SLC44A5: variants seen among roughly 807,000 people sequenced by gnomAD.
The protein encoded by SLC44A5 is choline transporter-like protein 5.
Under a neutral mutation model 101.8 loss-of-function variants are expected in SLC44A5, and 57 were observed. The ratio of observed to expected loss-of-function variants is 0.56; its 90% CI spans 0.45 to 0.70. The LOEUF (loss-of-function observed/expected upper bound fraction) is 0.70. SLC44A5 is among the 30% of genes least tolerant of loss of function. SLC44A5 has a pLI of 0.00. For synonymous variants in SLC44A5, 281 were observed against 290.9 expected, an observed-to-expected ratio of 0.97 and a Z score of 0.35; for missense variants, 737 against 853.1, an observed-to-expected ratio of 0.86 and a Z score of 1.70.
At chr1:75,446,783 TG>T (rs1665608020) in intron 2 of SLC44A5, among the ~76,000 whole-genome samples, 2 of 152,200 alleles carry the variant, frequency 1.3e-5, no homozygotes, top group South Asian at 4.1e-4. Flanking sequence ...TAACTAATTT[TG>T]TTTGCATTAT....
chr1:75,598,734 T>C (rs372519567), intron 1 of SLC44A5, among the ~76,000 whole-genome samples: 1 of 152,090 alleles, frequency 6.6e-6, no homozygotes, highest in African/African-American at 2.4e-5. Context: ...TGAGAGCACA[T>C]GGACACATAG....
intron 2 of SLC44A5, among the ~76,000 whole-genome samples, chr1:75,531,114 G>T (rs1670697187): frequency 6.6e-6 from 1 of 152,254 alleles, no homozygotes; most frequent in East Asian, 1.9e-4. Flanking sequence ...TGCCTTTCAT[G>T]AGCAATAAAT....
At chr1:75,659,364 G>C in the SLC44A5 span, among the ~76,000 whole-genome samples, 8 of 137,348 alleles carry the variant, frequency 5.8e-5, no homozygotes, top group Non-Finnish European at 1.1e-4. Context: ...AAGAAAGAAG[G>C]AAAGAAAGAA....
At position 75,380,801 on chromosome 1, in the gene SLC44A5, C is replaced by T. The variant is rs1157002392; in HGVS notation, c.52+15782G>A. Among the ~76,000 whole-genome samples the T allele has an allele frequency of 1.8e-4, 15 of 82,056 alleles. 6 individuals are homozygous for T. The highest frequency in any genetic ancestry group is 1.7e-4 in the Non-Finnish European group (8 of 47,652). The allele number at this position is 82,056 out of a possible 152,430, so 53.8% of individuals were successfully genotyped here. On this transcript the variant is annotated intron_variant, in intron 3 of 23. Transcript: ENST00000370859. ...ACACCAGTCACATGGATGGATAATC[C>T]TATAGAAGTATATGTTAATGATAGT... is the stretch of plus-strand genomic sequence containing the variant.
At chr1:75,566,368 T>A (rs1341480175) in intron 1 of SLC44A5, among the ~76,000 whole-genome samples, 2 of 152,126 alleles carry the variant, frequency 1.3e-5, no homozygotes, top group Non-Finnish European at 2.9e-5. Flanking sequence ...TAAGAATGAG[T>A]CTGTGAAATA....
chr1:75,666,593 G>C, the SLC44A5 span, among the ~76,000 whole-genome samples: 1 of 152,112 alleles, frequency 6.6e-6, no homozygotes, highest in Non-Finnish European at 1.5e-5. Flanking sequence ...ATTTTATGAG[G>C]CCAGCATCAT....
At chr1:75,234,209 T>C (rs1163020752) in intron 11 of SLC44A5, 111 bp from the exon 12 acceptor site, 2 of 711,152 alleles carry the variant, frequency 2.8e-6, no homozygotes, top group Non-Finnish European at 4.9e-6. Context: ...ATTCTTTTAT[T>C]TTACCTGGCT....
At chr1:75,644,961 C>CT in the SLC44A5 span, among the ~76,000 whole-genome samples, 1 of 152,084 alleles carries the variant, frequency 6.6e-6, no homozygotes, top group African/African-American at 2.4e-5. Context: ...TGAACTCATC[C>CT]TTTTTAATGG....
the SLC44A5 span, among the ~76,000 whole-genome samples, chr1:75,701,314 G>A: frequency 2.5e-4 from 38 of 152,076 alleles, no homozygotes; most frequent in Non-Finnish European, 3.7e-4. Flanking sequence ...CACCATGATC[G>A]AATGGGCTTC....
the SLC44A5 span, among the ~76,000 whole-genome samples, chr1:75,690,912 G>A: frequency 6.6e-6 from 1 of 152,048 alleles, no homozygotes; most frequent in Non-Finnish European, 1.5e-5. Context: ...CAGATCACTT[G>A]AGATCAGGAG....
intron 5 of SLC44A5, among the ~76,000 whole-genome samples, chr1:75,289,874 A>C (rs1400631173): frequency 1.3e-5 from 2 of 152,224 alleles, no homozygotes; most frequent in African/African-American, 2.4e-5. Context: ...TACAAAAGAA[A>C]AATATTAGAC....
At chr1:75,721,405 C>T in the SLC44A5 span, among the ~76,000 whole-genome samples, 1 of 152,080 alleles carries the variant, frequency 6.6e-6, no homozygotes, top group Non-Finnish European at 1.5e-5. Context: ...AATTTTCTTG[C>T]GTTTTTGTTT....
At chr1:75,711,844 C>T in the SLC44A5 span, among the ~76,000 whole-genome samples, 1 of 152,230 alleles carries the variant, frequency 6.6e-6, no homozygotes, top group African/African-American at 2.4e-5. Flanking sequence ...TACTTTGTCT[C>T]TCAGGCATCT....
the SLC44A5 span, among the ~76,000 whole-genome samples, chr1:75,644,791 C>T: frequency 7.0e-6 from 1 of 142,634 alleles, no homozygotes; most frequent in African/African-American, 2.6e-5. Context: ...CCTCCCACCT[C>T]CCCCCACCCC....
the SLC44A5 span, among the ~76,000 whole-genome samples, chr1:75,654,751 C>A: frequency 6.6e-6 from 1 of 152,106 alleles, no homozygotes; most frequent in Admixed American, 6.6e-5. Flanking sequence ...AAAATAAAGA[C>A]TACATCAGCA....
At chr1:75,673,298 G>T in the SLC44A5 span, among the ~76,000 whole-genome samples, 1 of 151,902 alleles carries the variant, frequency 6.6e-6, no homozygotes, top group East Asian at 1.9e-4. Context: ...CTTGCTGTGG[G>T]TCGGGGGTGT....
At chr1:75,409,003 A>G (rs777267528) in intron 2 of SLC44A5, among the ~76,000 whole-genome samples, 1 of 152,198 alleles carries the variant, frequency 6.6e-6, no homozygotes, top group African/African-American at 2.4e-5. Flanking sequence ...GATTGATCCA[A>G]CTATGCATCC....
At chr1:75,210,461 T>C (rs572820342) in intron 23 of SLC44A5, among the ~76,000 whole-genome samples, 2 of 152,304 alleles carry the variant, frequency 1.3e-5, no homozygotes, top group African/African-American at 4.8e-5. Flanking sequence ...ATTTTAACTC[T>C]ATGTATCAAA....
intron 3 of SLC44A5, among the ~76,000 whole-genome samples, chr1:75,346,126 T>C (rs1343517): frequency 0.42 from 64,139 of 151,868 alleles, 14,311 homozygotes; most frequent in East Asian, 0.85. Context: ...GGACATGGCA[T>C]GATTAATGGA....
Sources: gnomAD v4.1 joint callset for allele counts (sites outside exome capture counted in the v4.1 genomes callset) on GRCh38, gnomAD v4.1.1 for gene constraint, MANE v1.5 for transcripts, NCBI Gene and HGNC (gene_info 2026-07-23, HGNC 2026-07-21) for gene names.